The following RBFOX1 variants were observed in gnomAD, a reference collection of about 807,000 sequenced individuals.
The protein encoded by RBFOX1 is RNA binding fox-1 homolog 1, also known as RNA binding protein fox-1 homolog 1.
A neutral mutation model predicts 57.7 loss-of-function variants in RBFOX1; 8 were observed. That is an observed-to-expected ratio of 0.14 (90% CI 0.08 to 0.25). The LOEUF is 0.25. Among genes scored for constraint, RBFOX1 ranks in the 10% least tolerant of loss-of-function variants. The pLI is 1.00. For missense variants in RBFOX1, 611 were observed against 548.5 expected, an observed-to-expected ratio of 1.11 and a Z score of -1.14; for synonymous variants, 326 against 222.4, an observed-to-expected ratio of 1.47 and a Z score of -4.15.
At chr16:7,580,694 AT>A (rs1408494643) in intron 6 of RBFOX1, among the ~76,000 whole-genome samples, 1 of 152,138 alleles carries the variant, frequency 6.6e-6, no homozygotes, top group Non-Finnish European at 1.5e-5. Context: ...TCTCGAAGAT[AT>A]CTTCACTATC....
At chr16:6,499,566 A>G (rs2095859043) in intron 2 of RBFOX1, among the ~76,000 whole-genome samples, 1 of 152,096 alleles carries the variant, frequency 6.6e-6, no homozygotes, top group African/African-American at 2.4e-5. Flanking sequence ...GTGAGCCATG[A>G]TTCCAAGACA....
At position 7,695,537 on chromosome 16, in the gene RBFOX1, C is replaced by T. The variant is rs917053974; in HGVS notation, c.996-13519C>T. ...GTGTGGTGGCACATGCCTGTAATCC[C>T]AACTACTCAGGAGACTGAGGCAGAG... is the stretch of plus-strand genomic sequence containing the variant. On this transcript the variant is annotated intron_variant, in intron 14 of 15. Coordinates refer to ENST00000550418, the MANE Select transcript of RBFOX1 (RefSeq NM_018723.4). Among the ~76,000 whole-genome samples, 5 of 151,684 alleles carry T rather than the reference C, an allele frequency of 3.3e-5. No individual in the cohort carries two copies. The East Asian group carries it at 7.8e-4, about 24-fold the overall frequency.
rs576986054 is a variant in RBFOX1 at position 5,586,116 on chromosome 16, A to G, written c.259-12786A>G. Among the ~76,000 whole-genome samples, 6 of 152,332 alleles carry G rather than the reference A, an allele frequency of 3.9e-5. No individual in the cohort carries two copies. The South Asian group carries it at 6.2e-4, about 16-fold the overall frequency. On this transcript the variant is annotated intron_variant, in intron 2 of 2. Transcript: ENST00000585867. ...AGGCAGAGACGGGACTGATGCTTCTACAAGCCAAGGCACCTTGAGGATCTC... is the reference window on the plus strand; with the variant it reads ...AGGCAGAGACGGGACTGATGCTTCTGCAAGCCAAGGCACCTTGAGGATCTC...
chr16:5,620,168 G>A (rs1226982409), intron 3 of RBFOX1, among the ~76,000 whole-genome samples: 1 of 152,016 alleles, frequency 6.6e-6, no homozygotes, highest in Admixed American at 6.5e-5. Flanking sequence ...GAGGAGCTTT[G>A]CGTACATTTT....
At chr16:7,456,534 G>A (rs1317921087) in intron 4 of RBFOX1, among the ~76,000 whole-genome samples, 1 of 152,174 alleles carries the variant, frequency 6.6e-6, no homozygotes, top group East Asian at 1.9e-4. Flanking sequence ...TATCCTGTTT[G>A]GCGTAACAAA....
intron 4 of RBFOX1, among the ~76,000 whole-genome samples, chr16:5,881,913 T>G (rs1387343104): frequency 6.6e-6 from 1 of 152,164 alleles, no homozygotes; most frequent in Non-Finnish European, 1.5e-5. Context: ...AATAATTACT[T>G]CAGTAGCAGT....
At chr16:6,855,989 C>G (rs1209677084) in intron 3 of RBFOX1, among the ~76,000 whole-genome samples, 1 of 152,010 alleles carries the variant, frequency 6.6e-6, no homozygotes, top group East Asian at 1.9e-4. Context: ...TAATACAGGC[C>G]TATTGATCCT....
intron 2 of RBFOX1, among the ~76,000 whole-genome samples, chr16:5,521,348 C>A (rs568653585): frequency 3.4e-5 from 3 of 87,506 alleles, no homozygotes; most frequent in African/African-American, 1.4e-4. Context: ...GCAGCTTTTG[C>A]TGTTGGGGGT....
intron 3 of RBFOX1, among the ~76,000 whole-genome samples, chr16:5,851,882 G>A (rs573328076): frequency 6.6e-6 from 1 of 152,210 alleles, no homozygotes; most frequent in East Asian, 1.9e-4. Flanking sequence ...CAGGTGTAGA[G>A]AGTTTCTGAA....
At position 5,365,548 on chromosome 16, in the gene RBFOX1, A is replaced by C. The variant is rs565564569; in HGVS notation, c.220-101668A>C. On this transcript the variant is annotated intron_variant, in intron 1 of 2. Transcript: ENST00000585867. ...GCTGGGCATGGTGGCATGTGCCTGT[A>C]GTCCCAGCTACTTGGGAGGCTGAGG... Among the ~76,000 whole-genome samples the C allele has an allele frequency of 2.6e-5, 4 of 152,290 alleles. No homozygotes were observed. In the South Asian group the frequency reaches 8.3e-4, roughly 32 times the overall value.
intron 11 of RBFOX1, among the ~76,000 whole-genome samples, chr16:7,645,429 G>T (rs746625509): frequency 5.3e-5 from 8 of 152,112 alleles, no homozygotes; most frequent in African/African-American, 9.7e-5. Context: ...CCAAATAAAT[G>T]GCACACGCAG....
At chr16:6,539,165 C>G (rs1283654705) in intron 2 of RBFOX1, among the ~76,000 whole-genome samples, 1 of 151,642 alleles carries the variant, frequency 6.6e-6, no homozygotes, top group African/African-American at 2.4e-5. Context: ...GACTGTTCTT[C>G]TCCTTGGCGG....
rs926246727 is a variant in RBFOX1 at position 6,248,240 on chromosome 16, A to G, written c.-126-68755A>G. Among the ~76,000 whole-genome samples, 5 of 152,124 alleles carry G rather than the reference A, an allele frequency of 3.3e-5. No homozygotes were observed. The East Asian group carries it at 9.6e-4, about 29-fold the overall frequency. ...TTTAAGATTGGAGGCCTAGAATTAG[A>G]ATGGAACTGGGGGTGGGAGGAGAGG... On this transcript the variant is annotated intron_variant, in intron 1 of 15. Coordinates refer to ENST00000550418, the MANE Select transcript of RBFOX1 (RefSeq NM_018723.4).
At chr16:6,843,023 A>T (rs906112827) in intron 3 of RBFOX1, among the ~76,000 whole-genome samples, 1 of 152,078 alleles carries the variant, frequency 6.6e-6, no homozygotes, top group African/African-American at 2.4e-5. Context: ...ATGGCTGCCT[A>T]GTATTCCATG....
At chr16:6,772,611 GTGTA>G (rs1424358087) in intron 3 of RBFOX1, among the ~76,000 whole-genome samples, 3 of 149,972 alleles carry the variant, frequency 2.0e-5, no homozygotes, top group East Asian at 2.0e-4. Flanking sequence ...GCATTTGTGA[GTGTA>G]TGTGTATGTG....
intron 4 of RBFOX1, among the ~76,000 whole-genome samples, chr16:5,926,094 T>C (rs943965451): frequency 6.6e-6 from 1 of 152,188 alleles, no homozygotes; most frequent in Non-Finnish European, 1.5e-5. Context: ...TAAGCCATTA[T>C]GTAAATATCA....
intron 3 of RBFOX1, among the ~76,000 whole-genome samples, chr16:6,910,258 T>C (rs1296812599): frequency 2.3e-4 from 35 of 152,080 alleles, no homozygotes; most frequent in Admixed American, 2.3e-3. Flanking sequence ...AGTTCAGGCA[T>C]TTTCTCCATA....
intron 3 of RBFOX1, among the ~76,000 whole-genome samples, chr16:6,963,147 G>A (rs1290182316): frequency 6.6e-6 from 1 of 152,108 alleles, no homozygotes. Flanking sequence ...TGGGGTTCTG[G>A]CTGGTAGTTG....
At chr16:7,328,982 A>G (rs1023886299) in intron 4 of RBFOX1, among the ~76,000 whole-genome samples, 7 of 152,200 alleles carry the variant, frequency 4.6e-5, no homozygotes, top group Non-Finnish European at 8.8e-5. Flanking sequence ...TAAAAAAAGA[A>G]TAATATTTTG....
Sources: allele counts gnomAD v4.1 joint callset (sites outside exome capture counted in the v4.1 genomes callset), GRCh38; gene constraint gnomAD v4.1.1; transcripts MANE v1.5; gene names NCBI Gene and HGNC (gene_info 2026-07-23, HGNC 2026-07-21).